Variants in AGO3 observed in about 807,000 individuals in gnomAD.
The protein encoded by AGO3 is protein argonaute-3.
A neutral mutation model predicts 105.5 loss-of-function variants in AGO3; 16 were observed. The observed-to-expected ratio is 0.15, with a 90% confidence interval of 0.10 to 0.23. The LOEUF is 0.23. Ranked by LOEUF, AGO3 falls within the 10% of genes least tolerant of loss-of-function variation. AGO3 has a pLI of 1.00. For synonymous variants in AGO3, 340 were observed against 367.3 expected (o/e 0.93, Z 0.85); for missense variants, 534 against 1,088.0 (o/e 0.49, Z 7.16).
rs1643176210 is a variant in AGO3, at chr1:36,072,326, C to T, written c.*16581C>T. 6.6e-6 allele frequency: 1 copy of T among 152,210 alleles called. No homozygotes were observed. Among genetic ancestry groups the T allele is most frequent in the South Asian group, 2.1e-4 (1 of 4,838 alleles). 9.4% of individuals were successfully genotyped at this position (152,210 alleles called of 1,614,324 possible). A position where few individuals can be genotyped will look rare whatever the true frequency, so the allele number is the denominator to read the frequency against. ...CTGAGCCAAACTGTCACGAAATGTT[C>T]TGTGACAGAACCACTACTCTTTTTT... On this transcript the variant is annotated 3_prime_UTR_variant, in exon 19 of 19. Coordinates refer to ENST00000373191, the MANE Select transcript of AGO3 (RefSeq NM_024852.4).
chr1:35,966,759 G>GA (rs1252824002), intron 2 of AGO3, among the ~76,000 whole-genome samples, 196 bp from the exon 3 acceptor site: 2 of 152,146 alleles, frequency 1.3e-5, no homozygotes, highest in African/African-American at 2.4e-5. Flanking sequence ...TCTGTCTAGT[G>GA]AAATGTATGT....
chr1:35,954,783 C>T (rs1338336470), intron 2 of AGO3, among the ~76,000 whole-genome samples: 1 of 152,112 alleles, frequency 6.6e-6, no homozygotes, highest in African/African-American at 2.4e-5. Flanking sequence ...ATGATTCCTG[C>T]CTTTGGGTAA....
At chr1:35,965,489 C>A (rs1277557795) in intron 2 of AGO3, among the ~76,000 whole-genome samples, 44 of 87,394 alleles carry the variant, frequency 5.0e-4, no homozygotes, top group Non-Finnish European at 6.5e-4. Context: ...GACGCTGTCT[C>A]AAAAAAAAAA....
chr1:35,944,991 A>G (rs1030389292), intron 1 of AGO3, among the ~76,000 whole-genome samples: 3 of 151,890 alleles, frequency 2.0e-5, no homozygotes, highest in Admixed American at 1.3e-4. Context: ...TTTGGTAGAG[A>G]TGGGGTTTTG....
intron 2 of AGO3, among the ~76,000 whole-genome samples, chr1:35,955,809 G>A (rs1403093691): frequency 6.6e-6 from 1 of 152,028 alleles, no homozygotes; most frequent in Non-Finnish European, 1.5e-5. Context: ...TGCCCAGGCT[G>A]GCCTTGAACT....
chr1:35,991,555 A>T (rs1269840743), intron 5 of AGO3, among the ~76,000 whole-genome samples: 2 of 147,724 alleles, frequency 1.4e-5, no homozygotes, highest in Non-Finnish European at 3.0e-5. Context: ...ATATATATAA[A>T]ATATATAATA....
At chr1:35,992,321 G>A (rs1027848181) in intron 5 of AGO3, 16 of 152,222 alleles carry the variant, frequency 1.1e-4, no homozygotes, top group African/African-American at 3.6e-4. Flanking sequence ...GTGCAAGGAT[G>A]AACAAGAGGC....
At chr1:36,034,751 A>T (rs1641931000) in intron 13 of AGO3, among the ~76,000 whole-genome samples, 1 of 152,196 alleles carries the variant, frequency 6.6e-6, no homozygotes, top group Admixed American at 6.5e-5. Context: ...TTTGGTAATC[A>T]TCTTCAACCT....
intron 14 of AGO3, 39 bp downstream of exon 14, chr1:36,036,306 G>T: frequency 6.4e-7 from 1 of 1,562,882 alleles, no homozygotes; most frequent in South Asian, 1.1e-5. Flanking sequence ...AAGGTTGACA[G>T]ACCAGTATCA....
chr1:36,007,421 G>A (rs899565799), intron 6 of AGO3, among the ~76,000 whole-genome samples: 4 of 152,166 alleles, frequency 2.6e-5, no homozygotes, highest in Non-Finnish European at 4.4e-5. Flanking sequence ...TAAAGGCCGG[G>A]CGTGGTGGCT....
intron 14 of AGO3, among the ~76,000 whole-genome samples, chr1:36,037,290 C>T (rs963085017): frequency 6.6e-6 from 1 of 152,010 alleles, no homozygotes; most frequent in Admixed American, 6.6e-5. Flanking sequence ...GAGGCTGAGG[C>T]GGGGGTGGAT....
chr1:36,054,226 C>G (rs1018443005), intron 17 of AGO3, among the ~76,000 whole-genome samples: 1 of 152,146 alleles, frequency 6.6e-6, no homozygotes, highest in African/African-American at 2.4e-5. Context: ...AAAAACTGTT[C>G]TTTATACATC....
intron 5 of AGO3, among the ~76,000 whole-genome samples, chr1:35,993,301 A>G (rs1444152703): frequency 6.6e-6 from 1 of 152,182 alleles, no homozygotes; most frequent in Non-Finnish European, 1.5e-5. Flanking sequence ...AAATTTAATT[A>G]AAAAACTGTA....
At chr1:36,009,666 C>G (rs889303587) in intron 9 of AGO3, 72 bp downstream of exon 9, 12 of 1,445,766 alleles carry the variant, frequency 8.3e-6, no homozygotes, top group Admixed American at 2.2e-5. Context: ...GAACCATGTC[C>G]TTATCAACCC....
chr1:35,989,000 G>A (rs1647364165), intron 5 of AGO3, among the ~76,000 whole-genome samples: 2 of 152,146 alleles, frequency 1.3e-5, no homozygotes, highest in Admixed American at 6.5e-5. Context: ...AGCCTTGTAC[G>A]TGGTATATGC....
Position 36,060,889 on chromosome 1 carries a change from A to G in AGO3, c.*5144A>G, listed in dbSNP as rs1334663815. ...AGTAAGAATTGTTGGGAGGTTTGACATCAAGTAACGCCTTCCTGTGTAGCA... is the reference window on the plus strand; with the variant it reads ...AGTAAGAATTGTTGGGAGGTTTGACGTCAAGTAACGCCTTCCTGTGTAGCA... On this transcript the variant is annotated 3_prime_UTR_variant, in exon 19 of 19. Coordinates refer to ENST00000373191, the MANE Select transcript of AGO3 (RefSeq NM_024852.4). 1 of 152,246 alleles carries G rather than the reference A, an allele frequency of 6.6e-6. No individual in the cohort carries two copies. Among genetic ancestry groups the G allele is most frequent in the Non-Finnish European group, 1.5e-5 (1 of 68,048 alleles). 9.4% of individuals were successfully genotyped at this position (152,246 alleles called of 1,614,324 possible).
chr1:35,979,561 T>C (rs1214255148), intron 5 of AGO3, among the ~76,000 whole-genome samples: 1 of 152,180 alleles, frequency 6.6e-6, no homozygotes, highest in African/African-American at 2.4e-5. Flanking sequence ...TCCTTAGTTT[T>C]GTTTTTTGTT....
chr1:36,047,206 G>A (rs1360755176), intron 17 of AGO3, among the ~76,000 whole-genome samples: 1 of 151,868 alleles, frequency 6.6e-6, no homozygotes, highest in Non-Finnish European at 1.5e-5. Context: ...TCACGCCACT[G>A]CACTCCGGCC....
In AGO3 at chr1:36,008,617, T is replaced by A. The variant is rs1278889473; in HGVS notation, c.794-73T>A. Reference sequence around the variant, plus strand: ...GTTCAGAATTGAGTTTTTATGGTAATGAACAGGCTTTATAAGTATAAATAT... The same window carrying A: ...GTTCAGAATTGAGTTTTTATGGTAAAGAACAGGCTTTATAAGTATAAATAT... On this transcript the variant is annotated intron_variant, in intron 6 of 18. Coordinates refer to ENST00000373191, the MANE Select transcript of AGO3 (RefSeq NM_024852.4). The surrounding 1 kb of genome is among the most constrained non-coding windows in gnomAD (Gnocchi z 5.1). 72 of 1,437,476 alleles carry A rather than the reference T, an allele frequency of 5.0e-5. No individual in the cohort carries two copies. The highest frequency in any genetic ancestry group is 6.7e-5 in the Non-Finnish European group (70 of 1,041,170). 89.0% of individuals were successfully genotyped at this position (1,437,476 alleles called of 1,614,324 possible).
Sources: allele counts gnomAD v4.1 joint callset (sites outside exome capture counted in the v4.1 genomes callset), GRCh38; gene constraint gnomAD v4.1.1; non-coding constraint Gnocchi (gnomAD v3.1); transcripts MANE v1.5; gene names NCBI Gene and HGNC (gene_info 2026-07-23, HGNC 2026-07-21).